The following RAB15 variants were observed in gnomAD, a reference collection of about 807,000 sequenced individuals.
RAB15 encodes ras-related protein Rab-15.
A neutral mutation model predicts 31.8 loss-of-function variants in RAB15; 13 were observed. The observed-to-expected ratio is 0.41, with a 90% confidence interval of 0.27 to 0.65. The LOEUF (loss-of-function observed/expected upper bound fraction) is 0.65. RAB15 is among the 30% of genes least tolerant of loss of function. The pLI, the probability that RAB15 is intolerant of heterozygous loss-of-function variation, is 0.32. For synonymous variants in RAB15, 100 were observed against 105.6 expected (o/e 0.95, Z 0.33); for missense variants, 220 against 277.3 (o/e 0.79, Z 1.47).
At chr14:64,949,995 G>C (rs1471531545) in intron 5 of RAB15, among the ~76,000 whole-genome samples, 1 of 152,182 alleles carries the variant, frequency 6.6e-6, no homozygotes, top group Non-Finnish European at 1.5e-5. Flanking sequence ...GATGCTGTCA[G>C]AGAAGAGGTT....
In RAB15 at chr14:64,971,643, T is replaced by C. The variant is rs1274003700; in HGVS notation, c.124+310A>G. On this transcript the variant is annotated intron_variant, in intron 1 of 6. Coordinates refer to ENST00000533601, the MANE Select transcript of RAB15 (RefSeq NM_001308154.2). This position sits in a 1 kb window ranked among gnomAD's most constrained non-coding sequence, Gnocchi z 4.1. ...GGGATGTTATTCCAGCGGCTACGAT[T>C]CTTGCTACCCCAGCTCGGGGTACCC... Among the ~76,000 whole-genome samples the C allele has an allele frequency of 6.6e-6, 1 of 152,026 alleles. No homozygotes were observed. The highest frequency in any genetic ancestry group is 1.5e-5 in the Non-Finnish European group (1 of 67,988).
At chr14:64,967,023 C>T (rs1221565557) in intron 1 of RAB15, among the ~76,000 whole-genome samples, 2 of 151,592 alleles carry the variant, frequency 1.3e-5, no homozygotes, top group Non-Finnish European at 2.9e-5. Context: ...TCTAGCCCCA[C>T]CCCCTCCCTC....
chr14:64,952,487 GCCT>G lies in RAB15; in HGVS notation c.185+21_185+23del, dbSNP rs763995744. 1.9e-5 allele frequency: 30 copies of G among 1,587,096 alleles called. No individual in the cohort carries two copies. Among genetic ancestry groups the G allele is most frequent in the East Asian group, 2.2e-5 (1 of 44,596 alleles). On this transcript the variant is annotated intron_variant, in intron 2 of 6. Transcript: ENST00000533601. This position sits in a 1 kb window ranked among gnomAD's most constrained non-coding sequence, Gnocchi z 4.2. ...CCAGAAGTCCTCTTCTCCTACATCT[GCCT>G]CCTCCTCCTCCCCAGCTCACCAGAT...
intron 1 of RAB15, among the ~76,000 whole-genome samples, chr14:64,966,395 T>C (rs1263665163): frequency 6.6e-6 from 1 of 151,878 alleles, no homozygotes; most frequent in Non-Finnish European, 1.5e-5. Flanking sequence ...TGGTGGTGGG[T>C]GCCTGTAATC....
At position 64,954,582 on chromosome 14, in the gene RAB15, C is replaced by CATAGGA; in HGVS notation, c.125-2012_125-2011insTCCTAT. ...ATGGGAACTTCCTATGTGCCCTGCA[C>CATAGGA]AGTGCTCAGTGCAGACAGAGCAGTG... On this transcript the variant is annotated intron_variant, in intron 1 of 6. Transcript: ENST00000533601. This position sits in a 1 kb window ranked among gnomAD's most constrained non-coding sequence, Gnocchi z 4.3. The CATAGGA allele has an allele frequency of 1.1e-6, 1 of 935,328 alleles. No homozygotes were observed. The highest frequency in any genetic ancestry group is 1.3e-6 in the Non-Finnish European group (1 of 784,274). The allele number at this position is 935,328 out of a possible 1,614,324, so 57.9% of individuals were successfully genotyped here.
At chr14:64,965,488 T>G (rs1887089087) in intron 1 of RAB15, among the ~76,000 whole-genome samples, 1 of 152,082 alleles carries the variant, frequency 6.6e-6, no homozygotes, top group Non-Finnish European at 1.5e-5. Flanking sequence ...AAAACAGGGC[T>G]GGTGATTAGC....
chr14:64,957,579 G>T (rs910940755), intron 1 of RAB15, among the ~76,000 whole-genome samples: 36 of 152,256 alleles, frequency 2.4e-4, no homozygotes, highest in African/African-American at 8.2e-4. Context: ...GGTGCATAGT[G>T]CTTGTCTTTA....
Position 64,948,295 on chromosome 14 carries a change from G to A in RAB15, c.*59C>T. ...AGCAGGGCAAAGCCCCGGCTCCCCT[G>A]TCTGCCCACGGGCCTCCTGAGGGAA... On this transcript the variant is annotated 3_prime_UTR_variant, in exon 7 of 7. Transcript: ENST00000533601. This position sits in a 1 kb window ranked among gnomAD's most constrained non-coding sequence, Gnocchi z 7.0. 3.5e-6 allele frequency: 5 copies of A among 1,435,090 alleles called. No individual in the cohort carries two copies. The South Asian group carries it at 7.3e-5, about 21-fold the overall frequency. 88.9% of individuals were successfully genotyped at this position (1,435,090 alleles called of 1,614,324 possible). A position where few individuals can be genotyped will look rare whatever the true frequency, so the allele number is the denominator to read the frequency against.
Position 64,950,209 on chromosome 14 carries a change from G to A in RAB15, c.414+116C>T. 1 of 839,930 alleles carries A rather than the reference G, an allele frequency of 1.2e-6. No individual in the cohort carries two copies. Among genetic ancestry groups the A allele is most frequent in the Non-Finnish European group, 2.0e-6 (1 of 488,652 alleles). The allele number at this position is 839,930 out of a possible 1,614,324, so 52.0% of individuals were successfully genotyped here. A position where few individuals can be genotyped will look rare whatever the true frequency, so the allele number is the denominator to read the frequency against. On this transcript the variant is annotated intron_variant, in intron 5 of 6. Coordinates refer to ENST00000533601, the MANE Select transcript of RAB15 (RefSeq NM_001308154.2). The surrounding 1 kb of genome is among the most constrained non-coding windows in gnomAD (Gnocchi z 5.6). The stretch of plus-strand genomic sequence containing the variant: ...ACTCCCCCAGGGCCTTGGGGTGCTG[G>A]GGACGTGTGGGAGGACCTGCCACTG...
chr14:64,948,601 G>A lies in RAB15; in HGVS notation c.480+67C>T. ...GCCTGAGGGATAAGGTCCATCTTAT[G>A]GCTCCTCCTCCCACCTCTGCTGGAC... On this transcript the variant is annotated intron_variant, in intron 6 of 6. Transcript: ENST00000533601. This position sits in a 1 kb window ranked among gnomAD's most constrained non-coding sequence, Gnocchi z 7.0. The A allele has an allele frequency of 6.2e-7, 1 of 1,609,300 alleles. No homozygotes were observed. Among genetic ancestry groups the A allele is most frequent in the East Asian group, 2.2e-5 (1 of 44,834 alleles).
rs913270467 is a variant in RAB15 at position 64,953,519 on chromosome 14, G to A, written c.125-948C>T. 4.6e-5 allele frequency among the ~76,000 whole-genome samples: 7 copies of A among 152,166 alleles called. No homozygotes were observed. Among genetic ancestry groups the A allele is most frequent in the Admixed American group, 1.3e-4 (2 of 15,276 alleles). ...GGGAAAGGAAGCAAAGAGTTCCCAC[G>A]CTTCTTCATCCAAGGGCTGGAGGAG... On this transcript the variant is annotated intron_variant, in intron 1 of 6. Coordinates refer to ENST00000533601, the MANE Select transcript of RAB15 (RefSeq NM_001308154.2). The surrounding 1 kb of genome is among the most constrained non-coding windows in gnomAD (Gnocchi z 4.6).
At position 64,971,856 on chromosome 14, in the gene RAB15, G is replaced by A. The variant is rs1301532008; in HGVS notation, c.124+97C>T. The A allele has an allele frequency of 8.2e-7, 1 of 1,222,296 alleles. No individual in the cohort carries two copies. The highest frequency in any genetic ancestry group is 1.4e-5 in the South Asian group (1 of 72,586). The allele number at this position is 1,222,296 out of a possible 1,614,324, so 75.7% of individuals were successfully genotyped here. ...GCCTCCGGCGCCACCGCCTCCAGCCGGAGGGGCTGGCAATTCCTCCCCAGC... is the reference window on the plus strand; with the variant it reads ...GCCTCCGGCGCCACCGCCTCCAGCCAGAGGGGCTGGCAATTCCTCCCCAGC... On this transcript the variant is annotated intron_variant, in intron 1 of 6. Coordinates refer to ENST00000533601, the MANE Select transcript of RAB15 (RefSeq NM_001308154.2). This position sits in a 1 kb window ranked among gnomAD's most constrained non-coding sequence, Gnocchi z 4.1.
chr14:64,965,832 G>A (rs1196962217), intron 1 of RAB15, among the ~76,000 whole-genome samples: 1 of 152,206 alleles, frequency 6.6e-6, no homozygotes, highest in African/African-American at 2.4e-5. Flanking sequence ...GCTCCCAGCT[G>A]TGGGTGCATC....
rs145781570 is a variant in RAB15, at chr14:64,951,714, G to C, written c.186-51C>G. 1 of 1,513,128 alleles carries C rather than the reference G, an allele frequency of 6.6e-7. No individual in the cohort carries two copies. 93.7% of individuals were successfully genotyped at this position (1,513,128 alleles called of 1,614,324 possible). A position where few individuals can be genotyped will look rare whatever the true frequency, so the allele number is the denominator to read the frequency against. On this transcript the variant is annotated intron_variant, in intron 2 of 6. Coordinates refer to ENST00000533601, the MANE Select transcript of RAB15 (RefSeq NM_001308154.2). The surrounding 1 kb of genome is among the most constrained non-coding windows in gnomAD (Gnocchi z 7.2). ...AGGAGCAGGGACCATGGGAACAGACGGGGAGGGGAAGAGCAGAGCTGTCCC... is the reference window on the plus strand; with the variant it reads ...AGGAGCAGGGACCATGGGAACAGACCGGGAGGGGAAGAGCAGAGCTGTCCC...
chr14:64,946,263 A>G lies in RAB15; in HGVS notation c.*2091T>C, dbSNP rs957154188. ...CCTGAGGGGGCTAGGAGAGAAAGAC[A>G]ATGAATGGCACCCTGCCTGATCTTC... is the stretch of plus-strand genomic sequence containing the variant. On this transcript the variant is annotated 3_prime_UTR_variant, in exon 7 of 7. Coordinates refer to ENST00000533601, the MANE Select transcript of RAB15 (RefSeq NM_001308154.2). The G allele has an allele frequency of 3.9e-5, 6 of 152,256 alleles. No homozygotes were observed. The highest frequency in any genetic ancestry group is 1.4e-4 in the African/African-American group (6 of 41,450). The allele number at this position is 152,256 out of a possible 1,614,324, so 9.4% of individuals were successfully genotyped here.
intron 1 of RAB15, among the ~76,000 whole-genome samples, chr14:64,967,663 C>T (rs1210350534): frequency 2.6e-5 from 4 of 152,058 alleles, no homozygotes; most frequent in Non-Finnish European, 5.9e-5. Context: ...TGGTTTACAT[C>T]ATCTCACTCC....
chr14:64,950,698 A>G lies in RAB15; in HGVS notation c.325-284T>C. 1.7e-6 allele frequency: 1 copy of G among 595,494 alleles called. No individual in the cohort carries two copies. The highest frequency in any genetic ancestry group is 3.0e-6 in the Non-Finnish European group (1 of 334,878). 36.9% of individuals were successfully genotyped at this position (595,494 alleles called of 1,614,324 possible). A position where few individuals can be genotyped will look rare whatever the true frequency, so the allele number is the denominator to read the frequency against. ...GACATTGGATGTAAGTCCAGCCCTC[A>G]TTCTACAGGAACTGGGGACCCAGAG... is the stretch of plus-strand genomic sequence containing the variant. On this transcript the variant is annotated intron_variant, in intron 4 of 6. Coordinates refer to ENST00000533601, the MANE Select transcript of RAB15 (RefSeq NM_001308154.2). The surrounding 1 kb of genome is among the most constrained non-coding windows in gnomAD (Gnocchi z 5.6).
At position 64,956,325 on chromosome 14, in the gene RAB15, C is replaced by T. The variant is rs144069925; in HGVS notation, c.125-3754G>A. 2.0e-5 allele frequency among the ~76,000 whole-genome samples: 3 copies of T among 151,000 alleles called. No homozygotes were observed. In the East Asian group the frequency reaches 5.9e-4, roughly 30 times the overall value. On this transcript the variant is annotated intron_variant, in intron 1 of 6. Transcript: ENST00000533601. ...AGCGGGTCTGGGGTGTGGGGAGAATCGCTTTAACCCAGGAGGCAGAGGCTG... is the reference window on the plus strand; with the variant it reads ...AGCGGGTCTGGGGTGTGGGGAGAATTGCTTTAACCCAGGAGGCAGAGGCTG...
intron 1 of RAB15, among the ~76,000 whole-genome samples, chr14:64,963,109 CTTTTTTTTTT>C (rs1165246293): frequency 1.2e-4 from 12 of 96,406 alleles, no homozygotes; most frequent in East Asian, 3.4e-4. Flanking sequence ...CCCTTCCCCA[CTTTTTTTTTT>C]TTTTTTTTTT....
Sources: gnomAD v4.1 joint callset for allele counts (sites outside exome capture counted in the v4.1 genomes callset) on GRCh38, gnomAD v4.1.1 for gene constraint, Gnocchi (gnomAD v3.1) non-coding constraint, MANE v1.5 for transcripts, NCBI Gene and HGNC (gene_info 2026-07-23, HGNC 2026-07-21) for gene names.